Variants in SELENOF observed in about 807,000 individuals in gnomAD.
SELENOF encodes the protein selenoprotein F, also known as 15 kDa selenoprotein.
In SELENOF, 16 loss-of-function variants were observed where a neutral mutation model predicts 20.5. That is an observed-to-expected ratio of 0.78 (90% CI 0.53 to 1.19). SELENOF has a LOEUF of 1.19. Ranked by LOEUF, SELENOF falls within the 50% of genes most tolerant of loss-of-function variation. The pLI, the probability that SELENOF is intolerant of heterozygous loss-of-function variation, is 0.00. For synonymous variants in SELENOF, 78 were observed against 74.5 expected (o/e 1.05, Z -0.24); for missense variants, 215 against 194.2 (o/e 1.11, Z -0.64).
intron 3 of SELENOF, among the ~76,000 whole-genome samples, chr1:86,875,912 G>T (rs963307525): frequency 5.3e-5 from 8 of 152,108 alleles, no homozygotes; most frequent in Non-Finnish European, 1.0e-4. Context: ...TCAGAGAGTT[G>T]CACATAGTTT....
chr1:86,899,442 G>A lies in SELENOF; in HGVS notation c.252+3839C>T, dbSNP rs576091311. On this transcript the variant is annotated intron_variant, in intron 2 of 4. Coordinates refer to ENST00000331835, the MANE Select transcript of SELENOF (RefSeq NM_004261.5). Reference sequence around the variant, plus strand: ...GACCCCCCCCACCTCCCTCCCGGACGGGGCGGCTGGCCGGGCAGAGGGGCT... The same window carrying A: ...GACCCCCCCCACCTCCCTCCCGGACAGGGCGGCTGGCCGGGCAGAGGGGCT... Among the ~76,000 whole-genome samples, 35 of 108,822 alleles carry A rather than the reference G, an allele frequency of 3.2e-4. 1 individual carries two copies. The highest frequency in any genetic ancestry group is 4.8e-4 in the Non-Finnish European group (26 of 53,626). The allele number at this position is 108,822 out of a possible 152,430, so 71.4% of individuals were successfully genotyped here. A position where few individuals can be genotyped will look rare whatever the true frequency, so the allele number is the denominator to read the frequency against.
At chr1:86,873,809 G>A (rs942609467) in intron 3 of SELENOF, among the ~76,000 whole-genome samples, 11 of 149,304 alleles carry the variant, frequency 7.4e-5, no homozygotes, top group Non-Finnish European at 1.0e-4. Flanking sequence ...CCAAGATTGC[G>A]CTGTCGCACT....
At position 86,902,735 on chromosome 1, in the gene SELENOF, A is replaced by G. The variant is rs114980862; in HGVS notation, c.252+546T>C. On this transcript the variant is annotated intron_variant, in intron 2 of 4. Transcript: ENST00000331835. ...TGAACAGCAGGTTTTAAAACATAGT[A>G]GGTTTACCTGGAGAGACTGAACTAC... is the stretch of plus-strand genomic sequence containing the variant. Among the ~76,000 whole-genome samples, 717 of 152,348 alleles carry G rather than the reference A, an allele frequency of 4.7e-3. 3 individuals carry two copies. The highest frequency in any genetic ancestry group is 0.024 in the Middle Eastern group (7 of 294).
intron 1 of SELENOF, among the ~76,000 whole-genome samples, chr1:86,911,705 TG>T (rs1292980846): frequency 6.6e-6 from 1 of 152,024 alleles, no homozygotes; most frequent in African/African-American, 2.4e-5. Context: ...AATTATTAAG[TG>T]GACTGGCTTA....
At chr1:86,899,520 G>A (rs1381950213) in intron 2 of SELENOF, among the ~76,000 whole-genome samples, 3 of 146,566 alleles carry the variant, frequency 2.0e-5, no homozygotes, top group South Asian at 2.2e-4. Flanking sequence ...CCTCCCGGAC[G>A]GGGCGGCTGG....
chr1:86,881,912 G>A (rs1039621514), intron 2 of SELENOF, among the ~76,000 whole-genome samples: 1 of 152,006 alleles, frequency 6.6e-6, no homozygotes, highest in Non-Finnish European at 1.5e-5. Flanking sequence ...TGATCTCTAA[G>A]GGTCACTGCA....
chr1:86,902,186 A>G (rs985317066), intron 2 of SELENOF, among the ~76,000 whole-genome samples: 1 of 152,234 alleles, frequency 6.6e-6, no homozygotes, highest in African/African-American at 2.4e-5. Flanking sequence ...TTTTATTTAC[A>G]TGCAAGAAAA....
intron 2 of SELENOF, among the ~76,000 whole-genome samples, chr1:86,900,004 G>C (rs1659646033): frequency 6.6e-6 from 1 of 151,844 alleles, no homozygotes; most frequent in South Asian, 2.1e-4. Context: ...GCCGGGCAGA[G>C]ACACTCCTCA....
chr1:86,908,445 G>C (rs533005963), intron 1 of SELENOF, among the ~76,000 whole-genome samples: 1 of 152,300 alleles, frequency 6.6e-6, no homozygotes, highest in Admixed American at 6.5e-5. Context: ...TATAAAGAAA[G>C]AAACAGGTTT....
intron 2 of SELENOF, among the ~76,000 whole-genome samples, chr1:86,900,044 G>C (rs1371957726): frequency 6.6e-6 from 1 of 150,956 alleles, no homozygotes. Context: ...GCCGGGAAGA[G>C]GCGCTCCTCA....
chr1:86,878,708 C>T (rs1483535264), intron 3 of SELENOF, among the ~76,000 whole-genome samples: 1 of 151,946 alleles, frequency 6.6e-6, no homozygotes, highest in Non-Finnish European at 1.5e-5. Context: ...GAATATGAAG[C>T]AGTGAAGACA....
Position 86,903,335 on chromosome 1 carries a change from C to T in SELENOF, c.198G>A (p.Leu66=), listed in dbSNP as rs1001650709. The T allele has an allele frequency of 1.9e-6, 3 of 1,612,054 alleles. No individual in the cohort carries two copies. Among genetic ancestry groups the T allele is most frequent in the Admixed American group, 1.7e-5 (1 of 59,706 alleles). The change falls in exon 2 of 5, where the codon CTG becomes CTA. Residue 66 remains leucine, a synonymous_variant. Coordinates refer to ENST00000331835, the MANE Select transcript of SELENOF (RefSeq NM_004261.5). ...DLLGQFNLLQ[L]DPDCRGCCQE... Reference sequence around the variant, plus strand: ...GACAGCATCCTCTGCAATCAGGATCCAGCTGAAGCAGGTTGAACTGTCCGA... The same window carrying T: ...GACAGCATCCTCTGCAATCAGGATCTAGCTGAAGCAGGTTGAACTGTCCGA...
Position 86,903,265 on chromosome 1 carries a change from T to C in SELENOF, c.252+16A>G, listed in dbSNP as rs1659747144. 5 of 1,603,682 alleles carry C rather than the reference T, an allele frequency of 3.1e-6. No individual in the cohort carries two copies. Among genetic ancestry groups the C allele is most frequent in the Admixed American group, 1.7e-5 (1 of 58,440 alleles). ...ACTAAACCATCCAATGGAAGGAATA[T>C]ACTAGAAAACAGTACCTTTTTGGTT... On this transcript the variant is annotated intron_variant, in intron 2 of 4. Coordinates refer to ENST00000331835, the MANE Select transcript of SELENOF (RefSeq NM_004261.5).
chr1:86,910,782 CAT>C (rs2102136555), intron 1 of SELENOF, among the ~76,000 whole-genome samples: 1 of 151,520 alleles, frequency 6.6e-6, no homozygotes, highest in Admixed American at 6.6e-5. Flanking sequence ...ATTTTTGAAT[CAT>C]ATCTAAGGCA....
At chr1:86,896,616 T>C (rs533717155) in intron 2 of SELENOF, among the ~76,000 whole-genome samples, 14 of 152,288 alleles carry the variant, frequency 9.2e-5, no homozygotes, top group Admixed American at 2.0e-4. Context: ...AGTGGTCAAA[T>C]TGGAATCACT....
chr1:86,873,044 A>AAAATAAATAAATAAATAAATAAAT (rs71582985), intron 3 of SELENOF, among the ~76,000 whole-genome samples: 1 of 141,716 alleles, frequency 7.1e-6, no homozygotes, highest in Non-Finnish European at 1.5e-5. Context: ...GACTCCGTCT[A>AAAATAAATAAATAAATAAATAAAT]AAATAAATAA....
At chr1:86,905,112 T>C (rs1182459741) in intron 1 of SELENOF, among the ~76,000 whole-genome samples, 3 of 152,198 alleles carry the variant, frequency 2.0e-5, no homozygotes, top group Non-Finnish European at 4.4e-5. Context: ...TAAAATGGCA[T>C]CATTTCTCTG....
At chr1:86,914,198 C>T, upstream of SELENOF, 3 of 1,188,674 alleles carry the variant, frequency 2.5e-6, no homozygotes, top group South Asian at 2.4e-5. Context: ...CGCTAACGGC[C>T]GTTGCCCTTA....
Position 86,903,521 on chromosome 1 carries a change from G to C in SELENOF, c.85-73C>G. The C allele has an allele frequency of 2.5e-6, 3 of 1,202,436 alleles. No individual in the cohort carries two copies. In the South Asian group the frequency reaches 5.7e-5, roughly 23 times the overall value. 74.5% of individuals were successfully genotyped at this position (1,202,436 alleles called of 1,614,324 possible). A position where few individuals can be genotyped will look rare whatever the true frequency, so the allele number is the denominator to read the frequency against. On this transcript the variant is annotated intron_variant, in intron 1 of 4. Coordinates refer to ENST00000331835, the MANE Select transcript of SELENOF (RefSeq NM_004261.5). ...CAAAGCTTTCCAAAAAGAGAACACG[G>C]GGTTGTCAAAAACTAACACATTGAA... is the stretch of plus-strand genomic sequence containing the variant.
Sources: allele counts gnomAD v4.1 joint callset (sites outside exome capture counted in the v4.1 genomes callset), GRCh38; gene constraint gnomAD v4.1.1; transcripts MANE v1.5; gene names NCBI Gene and HGNC (gene_info 2026-07-23, HGNC 2026-07-21).